CCR7: variants seen among roughly 807,000 people sequenced by gnomAD.
CCR7 encodes the protein C-C chemokine receptor type 7.
Under a neutral mutation model 26.0 loss-of-function variants are expected in CCR7, and 11 were observed. The ratio of observed to expected loss-of-function variants is 0.42; its 90% CI spans 0.27 to 0.70. The LOEUF is 0.70. CCR7 is among the 30% of genes least tolerant of loss of function. The probability of loss-of-function intolerance (pLI) is 0.23; values close to 1 mark genes in which losing one functional copy is unlikely to be tolerated. For synonymous variants in CCR7, 189 were observed against 202.1 expected (o/e 0.94, Z 0.55); for missense variants, 360 against 504.0 (o/e 0.71, Z 2.74).
In CCR7 at chr17:40,555,930, TG is replaced by T; in HGVS notation, c.61-113del. ...TTTCTTTTTTTTTTTTCTTGAGACA[TG>T]GTCTCACTCTGTTGCCCAGGCTGGA... On this transcript the variant is annotated intron_variant, in intron 2 of 2. Transcript: ENST00000246657. This position sits in a 1 kb window ranked among gnomAD's most constrained non-coding sequence, Gnocchi z 5.6. 7.0e-6 allele frequency: 5 copies of T among 712,184 alleles called. No homozygotes were observed. Among genetic ancestry groups the T allele is most frequent in the Non-Finnish European group, 1.2e-5 (5 of 431,138 alleles). The allele number at this position is 712,184 out of a possible 1,614,324, so 44.1% of individuals were successfully genotyped here.
intron 1 of CCR7, among the ~76,000 whole-genome samples, chr17:40,564,343 G>A (rs1288090249): frequency 6.6e-6 from 1 of 152,200 alleles, no homozygotes; most frequent in Non-Finnish European, 1.5e-5. Context: ...CAGATCCAGC[G>A]TTCAGGGCAG....
chr17:40,561,929 C>G (rs1453536252), intron 1 of CCR7, among the ~76,000 whole-genome samples: 1 of 152,170 alleles, frequency 6.6e-6, no homozygotes, highest in Non-Finnish European at 1.5e-5. Flanking sequence ...TCTATGTTAT[C>G]AACTGCTGTA....
At chr17:40,564,073 C>T (rs530587644) in intron 1 of CCR7, among the ~76,000 whole-genome samples, 4 of 149,066 alleles carry the variant, frequency 2.7e-5, no homozygotes, top group Admixed American at 1.3e-4. Flanking sequence ...CTGTGGGTGA[C>T]GTCTGTACTG....
In CCR7 at chr17:40,555,834, T is replaced by C. The variant is rs1317425405; in HGVS notation, c.61-16A>G. The C allele has an allele frequency of 6.3e-7, 1 of 1,593,662 alleles. No individual in the cohort carries two copies. Among genetic ancestry groups the C allele is most frequent in the Non-Finnish European group, 8.6e-7 (1 of 1,163,714 alleles). On this transcript the variant is annotated splice_polypyrimidine_tract_variant and intron_variant, in intron 2 of 2. Coordinates refer to ENST00000246657, the MANE Select transcript of CCR7 (RefSeq NM_001838.4). This position sits in a 1 kb window ranked among gnomAD's most constrained non-coding sequence, Gnocchi z 5.6. ...ACAGGCATACCTTCGGGGAAGGAAA[T>C]GAGGGAAAACAGGCCAGTTTAGCTG...
chr17:40,564,104 G>A (rs1273089603), intron 1 of CCR7, among the ~76,000 whole-genome samples: 1 of 151,966 alleles, frequency 6.6e-6, no homozygotes, highest in Non-Finnish European at 1.5e-5. Flanking sequence ...ATGGGGGGTG[G>A]TGGAGGGGGT....
rs1428246077 is a variant in CCR7, at chr17:40,559,039, TC to T, written c.11-98del. 5.1e-6 allele frequency: 5 copies of T among 985,282 alleles called. No individual in the cohort carries two copies. The African/African-American group carries it at 6.5e-5, about 13-fold the overall frequency. The allele number at this position is 985,282 out of a possible 1,614,324, so 61.0% of individuals were successfully genotyped here. On this transcript the variant is annotated intron_variant, in intron 1 of 2. Transcript: ENST00000246657. ...GGGGAGACGCTGTTGGGAACTTTCC[TC>T]CCAAGCTCCAGGCACTGTGTTTGCT...
At position 40,558,489 on chromosome 17, in the gene CCR7, C is replaced by T. The variant is rs111934535; in HGVS notation, c.60+404G>A. 1.6e-3 allele frequency among the ~76,000 whole-genome samples: 241 copies of T among 152,192 alleles called. 2 individuals carry two copies. Among genetic ancestry groups the T allele is most frequent in the African/African-American group, 5.5e-3 (229 of 41,508 alleles). On this transcript the variant is annotated intron_variant, in intron 2 of 2. Transcript: ENST00000246657. ...AGGTTGGAAAGAGACAACTTTGGGGCGATAGGATAGTAACAAGATCGCCAG... is the reference window on the plus strand; with the variant it reads ...AGGTTGGAAAGAGACAACTTTGGGGTGATAGGATAGTAACAAGATCGCCAG...
In CCR7 at chr17:40,565,416, C is replaced by T. The variant is rs777322688; in HGVS notation, c.-7G>A. 7.4e-6 allele frequency: 12 copies of T among 1,613,748 alleles called. No individual in the cohort carries two copies. Among genetic ancestry groups the T allele is most frequent in the South Asian group, 1.1e-5 (1 of 91,072 alleles). On this transcript the variant is annotated 5_prime_UTR_variant, in exon 1 of 3. Transcript: ENST00000246657. The stretch of plus-strand genomic sequence containing the variant: ...CTCACTCACCCAGGTCCATGACGCT[C>T]TCTGGGCGGTAAAACCACACAGGAA...
chr17:40,560,350 T>C (rs576310529), intron 1 of CCR7, among the ~76,000 whole-genome samples: 54 of 152,170 alleles, frequency 3.5e-4, no homozygotes, highest in Non-Finnish European at 6.0e-4. Flanking sequence ...CCAAGCTCAA[T>C]AGCGCCAGGA....
At position 40,555,520 on chromosome 17, in the gene CCR7, T is replaced by C. The variant is rs2036574788; in HGVS notation, c.359A>G (p.Lys120Arg). ...TLPFWAYSAA[K>R]SWVFGVHFCK... is the part of the protein sequence containing the mutation. ...AAAGTGGACACCGAAGACCCAGGAC[T>C]TGGCCGCGCTGTAGGCCCAGAAGGG... Residue 120 changes from lysine to arginine, a missense_variant, in exon 3 of 3, where the codon AAG (lysine) becomes AGG (arginine). By Grantham distance (26) the Lys-to-Arg change is conservative (BLOSUM62 2). Transcript: ENST00000246657. The surrounding 1 kb of genome is among the most constrained non-coding windows in gnomAD (Gnocchi z 5.6). 6.2e-7 allele frequency: 1 copy of C among 1,614,082 alleles called. No homozygotes were observed. The highest frequency in any genetic ancestry group is 8.5e-7 in the Non-Finnish European group (1 of 1,180,018).
At chr17:40,559,628 T>G (rs1400468357) in intron 1 of CCR7, among the ~76,000 whole-genome samples, 1 of 152,218 alleles carries the variant, frequency 6.6e-6, no homozygotes, top group Non-Finnish European at 1.5e-5. Flanking sequence ...CAGCACTGAC[T>G]GTTGGTCCAC....
rs144269931 is a variant in CCR7 at position 40,564,291 on chromosome 17, T to TG, written c.10+1108dup. On this transcript the variant is annotated intron_variant, in intron 1 of 2. Coordinates refer to ENST00000246657, the MANE Select transcript of CCR7 (RefSeq NM_001838.4). Reference sequence around the variant, plus strand: ...CTTTCAGGAGTTCACAGTCAGTGGGTGGGGTGACCACTTTAACCCTTTCAC... The same window carrying TG: ...CTTTCAGGAGTTCACAGTCAGTGGGTGGGGGTGACCACTTTAACCCTTTCAC... Among the ~76,000 whole-genome samples, 108 of 152,290 alleles carry TG rather than the reference T, an allele frequency of 7.1e-4. 1 individual carries two copies. In the East Asian group the frequency reaches 0.02, roughly 28 times the overall value.
In CCR7 at chr17:40,555,106, C is replaced by G; in HGVS notation, c.773G>C (p.Arg258Pro). The G allele has an allele frequency of 6.2e-7, 1 of 1,614,090 alleles. No individual in the cohort carries two copies. Residue 258 changes from arginine to proline, a missense_variant, in exon 3 of 3, where the codon CGC becomes CCC. Arg to Pro is a moderately radical substitution (Grantham distance 103, BLOSUM62 -2). Coordinates refer to ENST00000246657, the MANE Select transcript of CCR7 (RefSeq NM_001838.4). The surrounding 1 kb of genome is among the most constrained non-coding windows in gnomAD (Gnocchi z 5.6). ...RTLLQARNFE[R>P]NKAIKVIIAV... ...GATGATCACCTTGATGGCCTTGTTG[C>G]GCTCAAAGTTGCGTGCCTGGAGCAG...
Position 40,555,685 on chromosome 17 carries a change from T to C in CCR7, c.194A>G (p.Tyr65Cys), listed in dbSNP as rs749072929. ...NFKAWFLPIMYSIICFVGLLG... is the reference protein window; with the variant it reads ...NFKAWFLPIMCSIICFVGLLG... ...TAGGCCCACGAAACAAATGATGGAG[T>C]ACATGATAGGGAGGAACCAGGCTTT... is the stretch of plus-strand genomic sequence containing the variant. Residue 65 changes from tyrosine (Y) to cysteine (C), a missense_variant, in exon 3 of 3, where the codon TAC becomes TGC. Transcript: ENST00000246657. The surrounding 1 kb of genome is among the most constrained non-coding windows in gnomAD (Gnocchi z 5.6). 4.3e-6 allele frequency: 7 copies of C among 1,613,684 alleles called. No individual in the cohort carries two copies. In the Admixed American group the frequency reaches 1.0e-4, roughly 23 times the overall value.
intron 1 of CCR7, among the ~76,000 whole-genome samples, chr17:40,561,786 T>C (rs1162224125): frequency 6.6e-6 from 1 of 151,698 alleles, no homozygotes; most frequent in Non-Finnish European, 1.5e-5. Flanking sequence ...ACACAACTTT[T>C]CTCTCTCTCT....
Position 40,555,816 on chromosome 17 carries a change from T to C in CCR7, c.63A>G (p.Val21=), listed in dbSNP as rs768201595. 50 of 1,608,686 alleles carry C rather than the reference T, an allele frequency of 3.1e-5. No individual in the cohort carries two copies. Among genetic ancestry groups the C allele is most frequent in the Middle Eastern group, 3.3e-4 (2 of 6,066 alleles). ...CCGTGACCTCATCTTGACACAGGCA[T>C]ACCTTCGGGGAAGGAAATGAGGGAA... ...LVVALLVIFQ[V]CLCQDEVTDD... The change falls in exon 3 of 3, where the codon GTA becomes GTG. Residue 21 remains valine (V), a splice_region_variant and synonymous_variant. Transcript: ENST00000246657. The surrounding 1 kb of genome is among the most constrained non-coding windows in gnomAD (Gnocchi z 5.6).
At position 40,554,451 on chromosome 17, in the gene CCR7, A is replaced by C; in HGVS notation, c.*291T>G. 5 of 385,054 alleles carry C rather than the reference A, an allele frequency of 1.3e-5. No homozygotes were observed. Among genetic ancestry groups the C allele is most frequent in the Non-Finnish European group, 9.4e-6 (2 of 212,062 alleles). 23.9% of individuals were successfully genotyped at this position (385,054 alleles called of 1,614,324 possible). On this transcript the variant is annotated 3_prime_UTR_variant, in exon 3 of 3. Coordinates refer to ENST00000246657, the MANE Select transcript of CCR7 (RefSeq NM_001838.4). ...GGCCCCTTCACTCCAGCAGGTGGGA[A>C]CAGTTTCTGGACTTTCACTTTCAGT...
intron 1 of CCR7, 96 bp downstream of exon 1, chr17:40,565,304 G>A (rs1318324080): frequency 9.3e-7 from 1 of 1,078,608 alleles, no homozygotes; most frequent in Admixed American, 1.7e-5. Context: ...GCACCCCTAT[G>A]CGCTCCACCC....
At position 40,555,393 on chromosome 17, in the gene CCR7, G is replaced by C. The variant is rs1217210684; in HGVS notation, c.486C>G (p.Val162=). The C allele has an allele frequency of 6.2e-7, 1 of 1,613,948 alleles. No individual in the cohort carries two copies. The highest frequency in any genetic ancestry group is 8.5e-7 in the Non-Finnish European group (1 of 1,180,048). The part of the protein sequence containing the change: ...IDRYVAIVQA[V]SAHRHRARVL... ...CGCGGGCACGGTGGCGGTGAGCTGA[G>C]ACAGCCTGGACGATGGCCACGTAGC... Residue 162 remains valine, a synonymous_variant, in exon 3 of 3, where the codon GTC becomes GTG. Transcript: ENST00000246657. The surrounding 1 kb of genome is among the most constrained non-coding windows in gnomAD (Gnocchi z 5.6).
Sources: allele counts gnomAD v4.1 joint callset (sites outside exome capture counted in the v4.1 genomes callset), GRCh38; gene constraint gnomAD v4.1.1; non-coding constraint Gnocchi (gnomAD v3.1); transcripts MANE v1.5; gene names NCBI Gene and HGNC (gene_info 2026-07-23, HGNC 2026-07-21).